The following KDM4B variants were observed in gnomAD, a reference collection of about 807,000 sequenced individuals.
KDM4B encodes lysine-specific demethylase 4B.
KDM4B carries 32 observed loss-of-function variants against 125.2 expected under a neutral mutation model. That is an observed-to-expected ratio of 0.26 (90% confidence interval 0.19 to 0.34). The LOEUF is 0.34. Among genes scored for constraint, KDM4B ranks in the 10% least tolerant of loss-of-function variants. KDM4B has a pLI of 1.00. For synonymous variants in KDM4B, 721 were observed against 677.9 expected (o/e 1.06, Z -0.99); for missense variants, 1,190 against 1,577.7 (o/e 0.75, Z 4.16).
chr19:5,038,906 G>A (rs10426930), intron 3 of KDM4B, among the ~76,000 whole-genome samples: 45,859 of 152,210 alleles, frequency 0.3, 7,128 homozygotes, highest in Non-Finnish European at 0.33. Context: ...CAGGCGGGGC[G>A]GAGGCCCATG....
At position 5,082,203 on chromosome 19, in the gene KDM4B, G is replaced by GCTGGAGCC. The variant is rs1288353905; in HGVS notation, c.781-154_781-147dup. Among the ~76,000 whole-genome samples the GCTGGAGCC allele has an allele frequency of 2.6e-5, 4 of 152,222 alleles. No homozygotes were observed. The highest frequency in any genetic ancestry group is 5.9e-5 in the Non-Finnish European group (4 of 68,028). On this transcript the variant is annotated intron_variant, in intron 8 of 22. Transcript: ENST00000159111. This position sits in a 1 kb window ranked among gnomAD's most constrained non-coding sequence, Gnocchi z 5.4. The stretch of plus-strand genomic sequence containing the variant: ...CCTTCATGAGCCGCGTGGGAAATGG[G>GCTGGAGCC]CTGGAGCCCTGGAGCCCCTGGAGCC...
chr19:5,055,460 G>GTTTGGATGGTCGATTGCCCTGT (rs1342317027), intron 6 of KDM4B, among the ~76,000 whole-genome samples: 2 of 152,184 alleles, frequency 1.3e-5, no homozygotes, highest in African/African-American at 2.4e-5. Flanking sequence ...GACTTCCGGT[G>GTTTGGATGGTCGATTGCCCTGT]TTTGGATGGT....
chr19:5,071,808 G>A (rs1272193990), intron 7 of KDM4B, among the ~76,000 whole-genome samples: 3 of 152,198 alleles, frequency 2.0e-5, no homozygotes, highest in African/African-American at 7.2e-5. Flanking sequence ...CAACAGGGGT[G>A]CAAGTTTCAT....
intron 6 of KDM4B, among the ~76,000 whole-genome samples, chr19:5,064,843 CAT>C (rs1038392870): frequency 4.6e-5 from 7 of 152,186 alleles, no homozygotes; most frequent in African/African-American, 1.7e-4. Flanking sequence ...GTGGTGGGGA[CAT>C]GTGTGGCCGG....
intron 6 of KDM4B, among the ~76,000 whole-genome samples, chr19:5,066,321 G>GCCCA (rs2037767595): frequency 6.7e-6 from 1 of 149,038 alleles, no homozygotes. Context: ...ACCTGCCCGT[G>GCCCA]CCCACCCACC....
intron 9 of KDM4B, among the ~76,000 whole-genome samples, chr19:5,100,150 A>G (rs545236763): frequency 2.0e-5 from 3 of 152,314 alleles, no homozygotes; most frequent in African/African-American, 7.2e-5. Flanking sequence ...TTGTGTCCCA[A>G]GTGTCCTGAA....
intron 12 of KDM4B, 128 bp downstream of exon 12, chr19:5,131,673 A>ACCGGGGAG: frequency 4.2e-6 from 1 of 239,372 alleles, no homozygotes. Flanking sequence ...AGGAGGGCTG[A>ACCGGGGAG]CTGCTGGTTT....
Position 5,150,276 on chromosome 19 carries a change from C to T in KDM4B, c.3022-82C>T. The T allele has an allele frequency of 8.1e-6, 10 of 1,236,748 alleles. No homozygotes were observed. In the South Asian group the frequency reaches 1.1e-4, roughly 13 times the overall value. The allele number at this position is 1,236,748 out of a possible 1,614,324, so 76.6% of individuals were successfully genotyped here. Reference sequence around the variant, plus strand: ...CCCATGCACCCAAGGGGGCTGGCCTCCCAGCTCTTGAGGCCGTGGCCTGCC... The same window carrying T: ...CCCATGCACCCAAGGGGGCTGGCCTTCCAGCTCTTGAGGCCGTGGCCTGCC... On this transcript the variant is annotated intron_variant, in intron 21 of 22. Transcript: ENST00000159111.
chr19:4,979,276 A>G (rs1048605275), intron 1 of KDM4B, among the ~76,000 whole-genome samples: 2 of 151,958 alleles, frequency 1.3e-5, no homozygotes, highest in African/African-American at 2.4e-5. Context: ...GAGCAAGACC[A>G]TGTCTCAAAA....
rs2039764081 is a variant in KDM4B at position 5,142,546 on chromosome 19, G to A, written c.2551-1421G>A. On this transcript the variant is annotated intron_variant, in intron 18 of 22. Coordinates refer to ENST00000159111, the MANE Select transcript of KDM4B (RefSeq NM_015015.3). This position sits in a 1 kb window ranked among gnomAD's most constrained non-coding sequence, Gnocchi z 5.4. ...GGTGCTGGGCACCAGCCTGCCCCGGGGCTGGGTTTCTCCTGGGCCTGGGCC... is the reference window on the plus strand; with the variant it reads ...GGTGCTGGGCACCAGCCTGCCCCGGAGCTGGGTTTCTCCTGGGCCTGGGCC... Among the ~76,000 whole-genome samples, 1 of 151,992 alleles carries A rather than the reference G, an allele frequency of 6.6e-6. No homozygotes were observed. Among genetic ancestry groups the A allele is most frequent in the Non-Finnish European group, 1.5e-5 (1 of 67,946 alleles).
chr19:5,005,116 T>C (rs1026326562), intron 1 of KDM4B, among the ~76,000 whole-genome samples: 10 of 152,180 alleles, frequency 6.6e-5, no homozygotes, highest in African/African-American at 2.4e-4. Flanking sequence ...AGCACAAAGC[T>C]TGGAGATGCG....
intron 1 of KDM4B, among the ~76,000 whole-genome samples, chr19:5,009,385 C>T (rs2035662450): frequency 6.6e-6 from 1 of 152,174 alleles, no homozygotes; most frequent in South Asian, 2.1e-4. Flanking sequence ...GAAGGATCTG[C>T]AACTTGAATT....
At chr19:5,119,042 C>A in intron 10 of KDM4B, 1 of 831,760 alleles carries the variant, frequency 1.2e-6, no homozygotes, top group Non-Finnish European at 1.9e-6. Flanking sequence ...GGGACAGAGC[C>A]AGGTGGCCAG....
intron 21 of KDM4B, 100 bp from the exon 22 acceptor site, chr19:5,150,258 A>T: frequency 1.1e-6 from 1 of 924,580 alleles, no homozygotes; most frequent in Non-Finnish European, 1.7e-6. Flanking sequence ...GGCCCCATGC[A>T]CCCAAGGGGG....
intron 2 of KDM4B, among the ~76,000 whole-genome samples, chr19:5,030,427 A>C (rs1300230732): frequency 6.6e-6 from 1 of 152,186 alleles, no homozygotes; most frequent in Admixed American, 6.5e-5. Context: ...CCTGTGGGGC[A>C]GGTGGGCTTT....
intron 6 of KDM4B, among the ~76,000 whole-genome samples, chr19:5,061,235 C>G (rs2037586652): frequency 6.6e-6 from 1 of 152,214 alleles, no homozygotes; most frequent in South Asian, 2.1e-4. Flanking sequence ...GTGGGCGGCT[C>G]TCCCCATCCC....
Position 5,131,217 on chromosome 19 carries a change from A to T in KDM4B, c.1457A>T (p.Glu486Val). ...GCGCTGTGGCTGCCATCCCCACTGG[A>T]GCCCCCGGTGCTGGGCCCAGGCCCT... Reference protein sequence around the residue: ...EEALWLPSPLEPPVLGPGPAA... With the variant: ...EEALWLPSPLVPPVLGPGPAA... Residue 486 changes from glutamate (E) to valine (V), a missense_variant, in exon 12 of 23, where the codon GAG becomes GTG. Around this residue, in one of 7 missense-constraint regions of KDM4B, gnomAD observed 428 missense variants for 405.1 expected, o/e 1.06. Transcript: ENST00000159111. 1 of 1,605,672 alleles carries T rather than the reference A, an allele frequency of 6.2e-7. No individual in the cohort carries two copies. Among genetic ancestry groups the T allele is most frequent in the Non-Finnish European group, 8.5e-7 (1 of 1,176,610 alleles).
chr19:5,019,883 GGTGTGCAGGTGTTA>G (rs1226946266), intron 2 of KDM4B, among the ~76,000 whole-genome samples: 12 of 146,012 alleles, frequency 8.2e-5, no homozygotes, highest in Non-Finnish European at 6.0e-5. Context: ...TGCAGGTGTT[GGTGTGCAGGTGTTA>G]GTGTGCAGGT....
intron 6 of KDM4B, among the ~76,000 whole-genome samples, chr19:5,057,063 TGTGCGC>T (rs2037429462): frequency 7.4e-6 from 1 of 134,364 alleles, no homozygotes; most frequent in African/African-American, 2.8e-5. Flanking sequence ...TGTGTGTGTG[TGTGCGC>T]GCGCGCGCGT....
Sources: allele counts gnomAD v4.1 joint callset (sites outside exome capture counted in the v4.1 genomes callset), GRCh38; gene constraint gnomAD v4.1.1; regional missense constraint gnomAD v4.1.1; non-coding constraint Gnocchi (gnomAD v3.1); transcripts MANE v1.5; gene names NCBI Gene and HGNC (gene_info 2026-07-23, HGNC 2026-07-21).